Variants in WASL observed in about 807,000 individuals in gnomAD.
The protein encoded by WASL is actin nucleation-promoting factor WASL.
WASL carries 20 observed loss-of-function variants against 55.5 expected under a neutral mutation model. The observed-to-expected ratio is 0.36, with a 90% CI of 0.25 to 0.52. The LOEUF is 0.52. WASL is among the 20% of genes least tolerant of loss of function. WASL has a pLI of 0.92. For missense variants in WASL, 504 were observed against 622.5 expected (o/e 0.81, Z 2.03); for synonymous variants, 249 against 217.6 (o/e 1.14, Z -1.27).
At chr7:123,691,493 A>G (rs761326109) in intron 9 of WASL, among the ~76,000 whole-genome samples, 2 of 152,214 alleles carry the variant, frequency 1.3e-5, no homozygotes, top group Non-Finnish European at 2.9e-5. Context: ...ATAAAATTCA[A>G]ATTTCAGTGT....
chr7:123,741,044 A>G (rs562517708), intron 1 of WASL, among the ~76,000 whole-genome samples: 2 of 152,102 alleles, frequency 1.3e-5, no homozygotes, highest in African/African-American at 4.8e-5. Context: ...GTCTGTCTAC[A>G]TTATCCCAGG....
intron 1 of WASL, among the ~76,000 whole-genome samples, chr7:123,710,213 A>T (rs1471152381): frequency 6.6e-6 from 1 of 152,004 alleles, no homozygotes; most frequent in Non-Finnish European, 1.5e-5. Flanking sequence ...GTTTTCTGAT[A>T]AAGTAATTTC....
In WASL at chr7:123,709,217, A is replaced by C. The variant is rs1192599718; in HGVS notation, c.124T>G (p.Ser42Ala). 1 of 1,602,962 alleles carries C rather than the reference A, an allele frequency of 6.2e-7. No individual in the cohort carries two copies. The highest frequency in any genetic ancestry group is 2.2e-5 in the East Asian group (1 of 44,580). ...GCATATAACTGCACCACTGCTGAAGACATAGTCTGCAAAATATAAAATTTA... is the reference window on the plus strand; with the variant it reads ...GCATATAACTGCACCACTGCTGAAGCCATAGTCTGCAAAATATAAAATTTA... ...TFLGKKCVTM[S>A]SAVVQLYAAD... The change falls in exon 2 of 11, where the codon TCT (serine) becomes GCT (alanine). Residue 42 changes from serine to alanine, a missense_variant. Ser to Ala is a moderately conservative substitution (Grantham distance 99, BLOSUM62 1). Transcript: ENST00000223023.
rs897306083 is a variant in WASL, at chr7:123,683,268, A to G, written c.*1251T>C. Reference sequence around the variant, plus strand: ...ATAATTAGCATTATAAATATGAAACAACCACCTTTAGGCAGATTAGTGTAG... The same window carrying G: ...ATAATTAGCATTATAAATATGAAACGACCACCTTTAGGCAGATTAGTGTAG... On this transcript the variant is annotated 3_prime_UTR_variant, in exon 11 of 11. Coordinates refer to ENST00000223023, the MANE Select transcript of WASL (RefSeq NM_003941.4). 6.6e-6 allele frequency: 1 copy of G among 152,112 alleles called. No individual in the cohort carries two copies. The highest frequency in any genetic ancestry group is 2.4e-5 in the African/African-American group (1 of 41,450). The allele number at this position is 152,112 out of a possible 1,614,324, so 9.4% of individuals were successfully genotyped here. A position where few individuals can be genotyped will look rare whatever the true frequency, so the allele number is the denominator to read the frequency against.
At chr7:123,748,524 G>C in intron 1 of WASL, 94 bp downstream of exon 1, 1 of 1,385,538 alleles carries the variant, frequency 7.2e-7, no homozygotes, top group South Asian at 1.2e-5. Flanking sequence ...GGCCCGCGCC[G>C]CTCCCGCCTC....
intron 1 of WASL, among the ~76,000 whole-genome samples, chr7:123,733,905 C>T (rs1404792034): frequency 1.7e-5 from 2 of 118,088 alleles, no homozygotes; most frequent in Non-Finnish European, 3.4e-5. Flanking sequence ...AGCTAGACAT[C>T]CACGTGCCAA....
chr7:123,697,120 A>G (rs1330261529), intron 5 of WASL, among the ~76,000 whole-genome samples: 1 of 123,930 alleles, frequency 8.1e-6, no homozygotes, highest in Non-Finnish European at 1.9e-5. Context: ...AAGGATAAAG[A>G]AAGTAAAGTA....
intron 5 of WASL, among the ~76,000 whole-genome samples, chr7:123,703,855 T>C (rs1803626261): frequency 6.6e-6 from 1 of 152,188 alleles, no homozygotes; most frequent in South Asian, 2.1e-4. Context: ...CATAACAAAG[T>C]GTGCTGGAGA....
intron 1 of WASL, among the ~76,000 whole-genome samples, chr7:123,736,859 G>C (rs1804241349): frequency 6.6e-6 from 1 of 151,786 alleles, no homozygotes; most frequent in African/African-American, 2.4e-5. Context: ...TTTGGTAAAG[G>C]ATAAAGCCTT....
At chr7:123,690,344 AAAGT>A (rs747420238) in intron 9 of WASL, among the ~76,000 whole-genome samples, 174 of 152,340 alleles carry the variant, frequency 1.1e-3, no homozygotes, top group Middle Eastern at 3.4e-3. Context: ...CTAGCTCTTT[AAAGT>A]AAGTCTATGG....
At chr7:123,733,282 G>A (rs1804171136) in intron 1 of WASL, among the ~76,000 whole-genome samples, 1 of 152,040 alleles carries the variant, frequency 6.6e-6, no homozygotes, top group South Asian at 2.1e-4. Flanking sequence ...AAAAATTTCT[G>A]GAAACCAATA....
Position 123,728,276 on chromosome 7 carries a change from G to A in WASL, c.118-19053C>T, listed in dbSNP as rs549029121. ...AAAACACTAGACTGTCATTATAAAA[G>A]GTACAGATTATTGGAAAATGCAATT... On this transcript the variant is annotated intron_variant, in intron 1 of 10. Transcript: ENST00000223023. 2.0e-5 allele frequency among the ~76,000 whole-genome samples: 3 copies of A among 152,136 alleles called. No individual in the cohort carries two copies. In the East Asian group the frequency reaches 5.8e-4, roughly 29 times the overall value.
At position 123,695,818 on chromosome 7, in the gene WASL, C is replaced by T; in HGVS notation, c.672+5G>A. The T allele has an allele frequency of 1.9e-6, 3 of 1,612,272 alleles. No homozygotes were observed. The highest frequency in any genetic ancestry group is 1.3e-5 in the African/African-American group (1 of 74,958). On this transcript the variant is annotated splice_donor_5th_base_variant and intron_variant, in intron 7 of 10. Transcript: ENST00000223023. Reference sequence around the variant, plus strand: ...ATAACGTATATGATTTGAAAACATACTTACATCAAAGCCTGTATTTGGATC... The same window carrying T: ...ATAACGTATATGATTTGAAAACATATTTACATCAAAGCCTGTATTTGGATC...
In WASL at chr7:123,700,128, A is replaced by G. The variant is rs193153220; in HGVS notation, c.461-3381T>C. ...GAGGAGGAGCTTGCAGTGAGTCGAA[A>G]TAGCGCCACTGCACTCCAGCCTGGG... On this transcript the variant is annotated intron_variant, in intron 5 of 10. Coordinates refer to ENST00000223023, the MANE Select transcript of WASL (RefSeq NM_003941.4). 7.6e-3 allele frequency among the ~76,000 whole-genome samples: 1,034 copies of G among 136,036 alleles called. 7 individuals are homozygous for G. The highest frequency in any genetic ancestry group is 0.016 in the South Asian group (61 of 3,776). The allele number at this position is 136,036 out of a possible 152,430, so 89.2% of individuals were successfully genotyped here.
chr7:123,726,762 A>G (rs1440280666), intron 1 of WASL, among the ~76,000 whole-genome samples: 1 of 152,130 alleles, frequency 6.6e-6, no homozygotes, highest in Non-Finnish European at 1.5e-5. Flanking sequence ...GCTGCTCAGG[A>G]GGTTGAAGCA....
intron 10 of WASL, among the ~76,000 whole-genome samples, chr7:123,688,626 T>G (rs1344418605): frequency 2.6e-5 from 4 of 152,220 alleles, no homozygotes; most frequent in African/African-American, 9.6e-5. Flanking sequence ...CCTCCCAAAG[T>G]GCTGGGATTA....
chr7:123,711,905 A>C (rs1803763580), intron 1 of WASL, among the ~76,000 whole-genome samples: 2 of 152,230 alleles, frequency 1.3e-5, no homozygotes, highest in Non-Finnish European at 2.9e-5. Context: ...ACTTTGGTAG[A>C]AACAGAACCT....
At chr7:123,738,139 AC>A (rs1419748885) in intron 1 of WASL, among the ~76,000 whole-genome samples, 1 of 151,558 alleles carries the variant, frequency 6.6e-6, no homozygotes, top group Non-Finnish European at 1.5e-5. Context: ...GAGACTGTCT[AC>A]AGGGAAAACT....
At chr7:123,723,413 G>C (rs940277820) in intron 1 of WASL, among the ~76,000 whole-genome samples, 3 of 152,186 alleles carry the variant, frequency 2.0e-5, no homozygotes, top group Non-Finnish European at 2.9e-5. Flanking sequence ...CAATACAGTA[G>C]AGAGTAAATA....
Sources: gnomAD v4.1 joint callset for allele counts (sites outside exome capture counted in the v4.1 genomes callset) on GRCh38, gnomAD v4.1.1 for gene constraint, MANE v1.5 for transcripts, NCBI Gene and HGNC (gene_info 2026-07-23, HGNC 2026-07-21) for gene names.